LRPPRC: variants seen among roughly 807,000 people sequenced by gnomAD.
LRPPRC encodes leucine-rich PPR motif-containing protein, mitochondrial.
LRPPRC carries 120 observed loss-of-function variants against 180.3 expected under a neutral mutation model. The ratio of observed to expected loss-of-function variants is 0.67; its 90% CI spans 0.57 to 0.77. The LOEUF (loss-of-function observed/expected upper bound fraction) is 0.77, where lower values mean the gene tolerates loss of function less well. LRPPRC is among the 30% of genes least tolerant of loss of function. The pLI is 0.00. For synonymous variants in LRPPRC, 723 were observed against 600.0 expected, an observed-to-expected ratio of 1.21 and a Z score of -3.00; for missense variants, 2,012 against 1,657.2, an observed-to-expected ratio of 1.21 and a Z score of -3.72.
At position 43,982,353 on chromosome 2, in the gene LRPPRC, C is replaced by A. The variant is rs1674348921; in HGVS notation, c.231G>T (p.Arg77Ser). The A allele has an allele frequency of 6.2e-7, 1 of 1,613,854 alleles. No homozygotes were observed. Among genetic ancestry groups the A allele is most frequent in the Non-Finnish European group, 8.5e-7 (1 of 1,179,800 alleles). Residue 77 changes from arginine (R) to serine (S), a missense_variant, in exon 2 of 38, where the codon AGG (arginine) becomes AGT (serine). Arg to Ser is a moderately radical substitution (Grantham distance 110). Coordinates refer to ENST00000260665, the MANE Select transcript of LRPPRC (RefSeq NM_133259.4). The stretch of plus-strand genomic sequence containing the variant: ...CCCAATCAAACTGATTGGAAATCTT[C>A]CTAGAAGAAAAAGTGGACTCCTCTT... The part of the protein sequence containing the change: ...DIQEESTFSS[R>S]KISNQFDWAL...
intron 1 of LRPPRC, among the ~76,000 whole-genome samples, chr2:43,992,811 G>C (rs998505484): frequency 6.6e-6 from 1 of 152,038 alleles, no homozygotes; most frequent in Non-Finnish European, 1.5e-5. Flanking sequence ...GAAGAAGGAG[G>C]GGTCCAATTT....
At position 43,973,671 on chromosome 2, in the gene LRPPRC, A is replaced by G. The variant is rs886056059; in HGVS notation, c.1305T>C (p.Phe435=). ...GCCAGAAATAGTGAGGTCTGATAGG[A>G]AAACCTTCCTCCTTCACAGCCTTCA... is the stretch of plus-strand genomic sequence containing the variant. ...ALMKAVKEEG[F]PIRPHYFWPL... is the part of the protein sequence containing the mutation. Residue 435 remains phenylalanine (F), a synonymous_variant, in exon 11 of 38, where the codon TTT becomes TTC. Coordinates refer to ENST00000260665, the MANE Select transcript of LRPPRC (RefSeq NM_133259.4). 3 of 1,613,980 alleles carry G rather than the reference A, an allele frequency of 1.9e-6. No homozygotes were observed. The highest frequency in any genetic ancestry group is 2.5e-6 in the Non-Finnish European group (3 of 1,179,944).
At chr2:43,931,214 A>C (rs191665310) in intron 25 of LRPPRC, among the ~76,000 whole-genome samples, 4 of 152,188 alleles carry the variant, frequency 2.6e-5, no homozygotes, top group Admixed American at 2.6e-4. Flanking sequence ...ACCAACACAA[A>C]GATGAGAAAA....
intron 11 of LRPPRC, 49 bp from the exon 12 acceptor site, chr2:43,963,755 T>G: frequency 1.0e-6 from 1 of 980,048 alleles, no homozygotes; most frequent in Non-Finnish European, 1.7e-6. Context: ...TAGAATAAAG[T>G]AAGAAAAGAT....
intron 12 of LRPPRC, among the ~76,000 whole-genome samples, chr2:43,962,343 A>G (rs1165303254): frequency 6.6e-6 from 1 of 152,192 alleles, no homozygotes; most frequent in Non-Finnish European, 1.5e-5. Flanking sequence ...AGAGGTGAAG[A>G]CACTGAAGAT....
chr2:43,936,014 T>G (rs530940047), intron 23 of LRPPRC, among the ~76,000 whole-genome samples: 1 of 151,208 alleles, frequency 6.6e-6, no homozygotes, highest in East Asian at 2.0e-4. Context: ...ACCCGGGAGG[T>G]GGAGGTTGCA....
intron 11 of LRPPRC, among the ~76,000 whole-genome samples, chr2:43,964,956 G>A (rs1257322146): frequency 6.6e-6 from 1 of 152,166 alleles, no homozygotes; most frequent in Non-Finnish European, 1.5e-5. Flanking sequence ...TGATGCAGGA[G>A]GACTGCTTGA....
At chr2:43,960,000 C>G (rs1673273441) in intron 13 of LRPPRC, among the ~76,000 whole-genome samples, 1 of 152,206 alleles carries the variant, frequency 6.6e-6, no homozygotes, top group Non-Finnish European at 1.5e-5. Flanking sequence ...TTTAACTTCT[C>G]TATGCCTTTA....
At chr2:43,996,233 T>C (rs1460625859), upstream of LRPPRC, among the ~76,000 whole-genome samples, 1 of 152,208 alleles carries the variant, frequency 6.6e-6, no homozygotes, top group Non-Finnish European at 1.5e-5. Flanking sequence ...ACCCCTGCAC[T>C]CCTCTGTTGG....
intron 29 of LRPPRC, among the ~76,000 whole-genome samples, chr2:43,914,323 A>C (rs1671364988): frequency 1.3e-5 from 2 of 152,156 alleles, no homozygotes; most frequent in Non-Finnish European, 1.5e-5. Context: ...ATATACCTTT[A>C]AGTAGACTGA....
At chr2:43,986,826 G>A (rs1196629363) in intron 1 of LRPPRC, among the ~76,000 whole-genome samples, 1 of 152,212 alleles carries the variant, frequency 6.6e-6, no homozygotes, top group Non-Finnish European at 1.5e-5. Context: ...GACAGTGAGA[G>A]TGAGACTAGA....
At chr2:43,967,673 AAC>A (rs1441571047) in intron 11 of LRPPRC, among the ~76,000 whole-genome samples, 1 of 152,176 alleles carries the variant, frequency 6.6e-6, no homozygotes, top group Non-Finnish European at 1.5e-5. Context: ...CAGCCTGGAC[AAC>A]AGAGCGAGAC....
At chr2:43,987,990 T>TC (rs1674602013) in intron 1 of LRPPRC, among the ~76,000 whole-genome samples, 1 of 152,096 alleles carries the variant, frequency 6.6e-6, no homozygotes, top group African/African-American at 2.4e-5. Context: ...AAGCCTGTAA[T>TC]CCTAGCACTT....
Position 43,894,627 on chromosome 2 carries a change from T to C in LRPPRC, c.3903A>G (p.Ala1301=). The change falls in exon 36 of 38, where the codon GCA becomes GCG. Residue 1301 remains alanine (A), a splice_region_variant and synonymous_variant. Coordinates refer to ENST00000260665, the MANE Select transcript of LRPPRC (RefSeq NM_133259.4). ...ATTCTAACACAGATTTCACAGTTGATGCCTAGGAAATTACATAAAGGTAAT... is the reference window on the plus strand; with the variant it reads ...ATTCTAACACAGATTTCACAGTTGACGCCTAGGAAATTACATAAAGGTAAT... ...LLRNSRKQGK[A]STVKSVLELI... The C allele has an allele frequency of 1.3e-6, 2 of 1,518,762 alleles. No homozygotes were observed. Among genetic ancestry groups the C allele is most frequent in the Non-Finnish European group, 1.8e-6 (2 of 1,093,416 alleles). 94.1% of individuals were successfully genotyped at this position (1,518,762 alleles called of 1,614,324 possible).
At position 43,973,660 on chromosome 2, in the gene LRPPRC, G is replaced by A. The variant is rs1391510968; in HGVS notation, c.1316C>T (p.Pro439Leu). Residue 439 changes from proline to leucine, a missense_variant, in exon 11 of 38, where the codon CCT becomes CTT. Pro to Leu is a moderately conservative substitution (Grantham distance 98). Transcript: ENST00000260665. ...AACTAGCAATGGCCAGAAATAGTGA[G>A]GTCTGATAGGAAAACCTTCCTCCTT... ...AVKEEGFPIR[P>L]HYFWPLLVGR... The A allele has an allele frequency of 1.2e-6, 2 of 1,614,002 alleles. No individual in the cohort carries two copies. Among genetic ancestry groups the A allele is most frequent in the East Asian group, 2.2e-5 (1 of 44,880 alleles).
At position 43,888,557 on chromosome 2, in the gene LRPPRC, C is replaced by A. The variant is rs748737002; in HGVS notation, c.*43G>T. 2 of 1,221,458 alleles carry A rather than the reference C, an allele frequency of 1.6e-6. No homozygotes were observed. The highest frequency in any genetic ancestry group is 1.7e-5 in the Admixed American group (1 of 59,382). 75.7% of individuals were successfully genotyped at this position (1,221,458 alleles called of 1,614,324 possible). ...TATACTTCAAAATAACATGTAGACA[C>A]AGAATCACAAATATATACAAAACAA... On this transcript the variant is annotated 3_prime_UTR_variant, in exon 38 of 38. Transcript: ENST00000260665.
intron 14 of LRPPRC, among the ~76,000 whole-genome samples, chr2:43,955,060 G>T (rs1307749774): frequency 1.3e-5 from 2 of 152,116 alleles, no homozygotes; most frequent in African/African-American, 4.8e-5. Context: ...TAGGGAGAGG[G>T]AAAGTACTTC....
In LRPPRC at chr2:43,982,419, T is replaced by A. The variant is rs981368951; in HGVS notation, c.165A>T (p.Pro55=). Residue 55 remains proline (P), a synonymous_variant, in exon 2 of 38, where the codon CCA becomes CCT. Coordinates refer to ENST00000260665, the MANE Select transcript of LRPPRC (RefSeq NM_133259.4). ...TGGCAGCAATGGCATACAGCCTGGC[T>A]GGGCTCAGTAGTCCTCTAAAAAATG... The part of the protein sequence containing the change: ...AGPVAGGLLS[P]ARLYAIAAKE... 6 of 1,613,344 alleles carry A rather than the reference T, an allele frequency of 3.7e-6. No homozygotes were observed. Among genetic ancestry groups the A allele is most frequent in the African/African-American group, 1.3e-5 (1 of 74,918 alleles).
At chr2:43,934,685 C>T in intron 24 of LRPPRC, 69 bp downstream of exon 24, 1 of 1,418,938 alleles carries the variant, frequency 7.0e-7, no homozygotes, top group East Asian at 2.3e-5. Flanking sequence ...TTTCTCTTAA[C>T]AATACACTAA....
Sources: allele counts gnomAD v4.1 joint callset (sites outside exome capture counted in the v4.1 genomes callset), GRCh38; gene constraint gnomAD v4.1.1; transcripts MANE v1.5; gene names NCBI Gene and HGNC (gene_info 2026-07-23, HGNC 2026-07-21).